The following AKAP7 variants were observed in gnomAD, a reference collection of about 807,000 sequenced individuals.
AKAP7 encodes A-kinase anchoring protein 7, also known as A kinase (PRKA) anchor protein 7.
Under a neutral mutation model 39.5 loss-of-function variants are expected in AKAP7, and 39 were observed. The observed-to-expected ratio is 0.99, with a 90% CI of 0.76 to 1.29. AKAP7 has a LOEUF of 1.29. AKAP7 is among the 50% of genes most tolerant of loss of function. The pLI, the probability that AKAP7 is intolerant of heterozygous loss-of-function variation, is 0.00. For synonymous variants in AKAP7, 140 were observed against 139.1 expected, an observed-to-expected ratio of 1.01 and a Z score of -0.05; for missense variants, 414 against 407.7, an observed-to-expected ratio of 1.02 and a Z score of -0.13.
chr6:131,160,237 A>C (rs530812632), intron 3 of AKAP7, 39 bp downstream of exon 3: 1 of 1,515,972 alleles, frequency 6.6e-7, no homozygotes, highest in Non-Finnish European at 8.8e-7. Context: ...GTGAAATTTT[A>C]TTCTAAATTT....
intron 2 of AKAP7, among the ~76,000 whole-genome samples, chr6:131,159,189 G>A (rs1218184600): frequency 1.3e-5 from 2 of 152,106 alleles, no homozygotes; most frequent in East Asian, 1.9e-4. Context: ...TGCCTCCTGG[G>A]TTCATGCCAT....
chr6:131,200,922 G>A (rs566499737), intron 6 of AKAP7: 29 of 152,128 alleles, frequency 1.9e-4, no homozygotes, highest in Admixed American at 1.3e-3. Flanking sequence ...TAATATCTCC[G>A]TTTCAAAATG....
intron 2 of AKAP7, among the ~76,000 whole-genome samples, chr6:131,151,467 G>A (rs1801914305): frequency 6.6e-6 from 1 of 151,316 alleles, no homozygotes; most frequent in South Asian, 2.1e-4. Flanking sequence ...ATATATGGCC[G>A]GGTGTGGTGG....
At chr6:131,187,925 G>T (rs1388731070) in intron 5 of AKAP7, among the ~76,000 whole-genome samples, 2 of 152,170 alleles carry the variant, frequency 1.3e-5, no homozygotes, top group Non-Finnish European at 2.9e-5. Flanking sequence ...GGACCTGAGA[G>T]ACAATTTATT....
chr6:131,184,334 G>GT (rs561099919), intron 5 of AKAP7: 9 of 638,624 alleles, frequency 1.4e-5, no homozygotes, highest in South Asian at 1.1e-4. Flanking sequence ...ATCAAGAGGA[G>GT]TTCTTGTTCT....
chr6:131,263,873 T>G (rs1401305412), intron 7 of AKAP7, among the ~76,000 whole-genome samples: 2 of 152,186 alleles, frequency 1.3e-5, no homozygotes, highest in Non-Finnish European at 2.9e-5. Context: ...TACTGTGGTG[T>G]GTGCTTTGGG....
intron 5 of AKAP7, among the ~76,000 whole-genome samples, chr6:131,181,218 G>C (rs1467568992): frequency 6.6e-6 from 1 of 152,128 alleles, no homozygotes; most frequent in Non-Finnish European, 1.5e-5. Flanking sequence ...TTACAGGTGT[G>C]AGCCACCGCG....
chr6:131,223,575 C>T (rs1009727614), intron 7 of AKAP7, among the ~76,000 whole-genome samples: 2 of 152,130 alleles, frequency 1.3e-5, no homozygotes, highest in Non-Finnish European at 2.9e-5. Flanking sequence ...TGTCTTCCAT[C>T]CAAGTTTTGA....
At chr6:131,220,955 T>C (rs962620919) in intron 7 of AKAP7, among the ~76,000 whole-genome samples, 3 of 151,976 alleles carry the variant, frequency 2.0e-5, no homozygotes, top group African/African-American at 4.8e-5. Context: ...GAGTCGTACA[T>C]CTCTTACCTT....
intron 7 of AKAP7, among the ~76,000 whole-genome samples, chr6:131,263,301 C>G (rs1813511039): frequency 6.6e-6 from 1 of 152,198 alleles, no homozygotes; most frequent in Non-Finnish European, 1.5e-5. Context: ...TGGTAGGGCT[C>G]TGGCTTCCAG....
chr6:131,234,281 C>G (rs546408011), intron 7 of AKAP7, among the ~76,000 whole-genome samples: 2 of 152,258 alleles, frequency 1.3e-5, no homozygotes, highest in South Asian at 4.1e-4. Context: ...AGATGGTAGG[C>G]AAACACAGCC....
chr6:131,241,627 G>GTGTGTGTGTGTGTATATATATATA, intron 7 of AKAP7, among the ~76,000 whole-genome samples: 8 of 86,636 alleles, frequency 9.2e-5, no homozygotes, highest in African/African-American at 3.0e-4. Context: ...GTGTGTGTGT[G>GTGTGTGTGTGTGTATATATATATA]TATATATATA....
intron 4 of AKAP7, among the ~76,000 whole-genome samples, chr6:131,166,170 A>G (rs1217214235): frequency 6.6e-6 from 1 of 152,208 alleles, no homozygotes; most frequent in Non-Finnish European, 1.5e-5. Flanking sequence ...ATCTGTCCCA[A>G]GCTGATGTAC....
chr6:131,187,114 C>G (rs1805942322), intron 5 of AKAP7, among the ~76,000 whole-genome samples: 1 of 151,980 alleles, frequency 6.6e-6, no homozygotes, highest in Non-Finnish European at 1.5e-5. Flanking sequence ...CCTTGAGGTT[C>G]AATATGAATT....
At chr6:131,162,496 T>C (rs1488538607) in intron 3 of AKAP7, among the ~76,000 whole-genome samples, 2 of 152,200 alleles carry the variant, frequency 1.3e-5, no homozygotes, top group African/African-American at 2.4e-5. Flanking sequence ...AGGTGTAAAA[T>C]GAGGTGGGTG....
intron 7 of AKAP7, among the ~76,000 whole-genome samples, chr6:131,246,923 G>A (rs1345888623): frequency 9.2e-5 from 14 of 151,954 alleles, no homozygotes; most frequent in Non-Finnish European, 1.5e-5. Flanking sequence ...CTTAGGGTTT[G>A]TAGAGCCAGA....
At chr6:131,144,068 A>G (rs1047666876) in intron 1 of AKAP7, among the ~76,000 whole-genome samples, 2 of 138,172 alleles carry the variant, frequency 1.4e-5, no homozygotes, top group East Asian at 2.0e-4. Flanking sequence ...CAGAGAGCAC[A>G]GGGTTGGGGA....
chr6:131,248,261 C>T (rs574589480), intron 7 of AKAP7, among the ~76,000 whole-genome samples: 7 of 152,232 alleles, frequency 4.6e-5, no homozygotes, highest in Middle Eastern at 3.4e-3. Flanking sequence ...ATGAACTTAC[C>T]TGAATTACAG....
At chr6:131,187,246 C>T (rs1346304856) in intron 5 of AKAP7, among the ~76,000 whole-genome samples, 1 of 152,064 alleles carries the variant, frequency 6.6e-6, no homozygotes, top group Admixed American at 6.5e-5. Flanking sequence ...TCCTTCGGTT[C>T]ATTAAAACAG....
Sources: gnomAD v4.1 joint callset for allele counts (sites outside exome capture counted in the v4.1 genomes callset) on GRCh38, gnomAD v4.1.1 for gene constraint, MANE v1.5 for transcripts, NCBI Gene and HGNC (gene_info 2026-07-23, HGNC 2026-07-21) for gene names.